The following THRB variants were observed in gnomAD, a reference collection of about 807,000 sequenced individuals.
THRB encodes the protein thyroid hormone receptor beta, also known as nuclear receptor subfamily 1 group A member 2.
THRB carries 12 observed loss-of-function variants against 47.8 expected under a neutral mutation model. The observed-to-expected ratio is 0.25, with a 90% CI of 0.16 to 0.41. THRB has a LOEUF of 0.41. THRB is among the 10% of genes least tolerant of loss of function. The pLI is 1.00. For synonymous variants in THRB, 218 were observed against 212.2 expected (o/e 1.03, Z -0.24); for missense variants, 348 against 589.2 (o/e 0.59, Z 4.24).
In THRB at chr3:24,456,153, G is replaced by C. The variant is rs554471541; in HGVS notation, c.-261+38499C>G. On this transcript the variant is annotated intron_variant, in intron 1 of 10. Coordinates refer to ENST00000646209, the MANE Select transcript of THRB (RefSeq NM_001354712.2). The stretch of plus-strand genomic sequence containing the variant: ...AGACCAGCCTGGGCAACATAGTGAG[G>C]CCTAATCTCTAAGAAAAAAAATTTT... Among the ~76,000 whole-genome samples, 17 of 151,950 alleles carry C rather than the reference G, an allele frequency of 1.1e-4. No individual in the cohort carries two copies. In the South Asian group the frequency reaches 3.1e-3, roughly 28 times the overall value.
At chr3:24,452,852 C>T (rs1183519973) in intron 1 of THRB, among the ~76,000 whole-genome samples, 1 of 152,156 alleles carries the variant, frequency 6.6e-6, no homozygotes, top group Non-Finnish European at 1.5e-5. Context: ...GTTGGCTGGT[C>T]CAGGACAAGG....
At chr3:24,391,078 C>T (rs1017388516) in intron 1 of THRB, among the ~76,000 whole-genome samples, 2 of 152,068 alleles carry the variant, frequency 1.3e-5, no homozygotes. Flanking sequence ...AGCAGTGGTG[C>T]CCTTGGGACA....
chr3:24,433,154 T>C lies in THRB; in HGVS notation c.-261+61498A>G, dbSNP rs1207128819. Among the ~76,000 whole-genome samples the C allele has an allele frequency of 3.3e-5, 5 of 152,084 alleles. No individual in the cohort carries two copies. In the East Asian group the frequency reaches 9.6e-4, roughly 29 times the overall value. ...AGCCACAGTTTCTTCAGCTGTAAAA[T>C]GGGAATAATAACAATACCTATCTGT... On this transcript the variant is annotated intron_variant, in intron 1 of 10. Coordinates refer to ENST00000646209, the MANE Select transcript of THRB (RefSeq NM_001354712.2).
At chr3:24,409,127 G>A (rs1410053172) in intron 1 of THRB, among the ~76,000 whole-genome samples, 1 of 151,762 alleles carries the variant, frequency 6.6e-6, no homozygotes, top group Non-Finnish European at 1.5e-5. Flanking sequence ...CAGTGAACAT[G>A]TTTTAGGTAC....
intron 2 of THRB, among the ~76,000 whole-genome samples, chr3:24,299,527 T>C (rs2056749996): frequency 1.3e-5 from 2 of 151,900 alleles, no homozygotes. Context: ...CTATACAATA[T>C]GCAAAAAATT....
intron 2 of THRB, among the ~76,000 whole-genome samples, chr3:24,317,624 C>T (rs1471659391): frequency 1.3e-5 from 2 of 152,076 alleles, no homozygotes; most frequent in Non-Finnish European, 1.5e-5. Context: ...CAAAACACAA[C>T]ACAACACAAC....
chr3:24,424,142 C>T (rs2069530542), intron 1 of THRB, among the ~76,000 whole-genome samples: 1 of 151,768 alleles, frequency 6.6e-6, no homozygotes, highest in South Asian at 2.1e-4. Context: ...AGTTTTCAAC[C>T]ATGATTGGCT....
At chr3:24,299,783 T>TTTTTTTTTTTTTG (rs2056790209) in intron 2 of THRB, among the ~76,000 whole-genome samples, 1 of 56,234 alleles carries the variant, frequency 1.8e-5, no homozygotes, top group African/African-American at 7.6e-5. Flanking sequence ...ATTTATTTAT[T>TTTTTTTTTTTTTG]TATTTATTTT....
chr3:24,414,782 A>G (rs1443226507), intron 1 of THRB, among the ~76,000 whole-genome samples: 2 of 151,882 alleles, frequency 1.3e-5, no homozygotes, highest in African/African-American at 4.8e-5. Context: ...AAATATTTGC[A>G]TGAATACTGT....
chr3:24,436,809 C>A (rs576180627), intron 1 of THRB, among the ~76,000 whole-genome samples: 1 of 152,100 alleles, frequency 6.6e-6, no homozygotes, highest in South Asian at 2.1e-4. Context: ...AGGTTCTCTT[C>A]TTCTGTGTGA....
At chr3:24,232,099 C>T (rs2048317003) in intron 3 of THRB, among the ~76,000 whole-genome samples, 1 of 152,152 alleles carries the variant, frequency 6.6e-6, no homozygotes, top group South Asian at 2.1e-4. Context: ...GTCTGTGTAC[C>T]ACGGCCCTTC....
chr3:24,215,004 C>T (rs2046417901), intron 4 of THRB, among the ~76,000 whole-genome samples: 2 of 152,224 alleles, frequency 1.3e-5, no homozygotes, highest in East Asian at 1.9e-4. Flanking sequence ...GAAACGTTTT[C>T]CACTTGACCT....
chr3:24,378,179 G>GA (rs879687544), intron 1 of THRB, among the ~76,000 whole-genome samples: 42 of 151,702 alleles, frequency 2.8e-4, no homozygotes, highest in Non-Finnish European at 3.2e-4. Flanking sequence ...TAAAGGTTTA[G>GA]AAAAAAAATC....
At chr3:24,219,740 C>T (rs548085943) in intron 4 of THRB, among the ~76,000 whole-genome samples, 2 of 152,352 alleles carry the variant, frequency 1.3e-5, no homozygotes, top group Admixed American at 6.5e-5. Context: ...CAGTGATTCT[C>T]AAACTTCTGT....
chr3:24,330,145 A>T (rs1162781551), intron 2 of THRB, among the ~76,000 whole-genome samples: 1 of 148,182 alleles, frequency 6.7e-6, no homozygotes, highest in African/African-American at 2.5e-5. Flanking sequence ...CTCTACTAAA[A>T]ATACAAAAAA....
intron 4 of THRB, among the ~76,000 whole-genome samples, chr3:24,199,873 C>G (rs2044389401): frequency 6.6e-6 from 1 of 152,158 alleles, no homozygotes; most frequent in Non-Finnish European, 1.5e-5. Context: ...GGTTCATAGG[C>G]AACATCTTAC....
intron 8 of THRB, among the ~76,000 whole-genome samples, chr3:24,142,910 T>G (rs1247967311): frequency 6.6e-6 from 1 of 152,236 alleles, no homozygotes; most frequent in African/African-American, 2.4e-5. Context: ...GTAATTTTTA[T>G]AAGAATATTA....
chr3:24,230,517 C>G (rs2048147870), intron 3 of THRB, among the ~76,000 whole-genome samples: 1 of 152,146 alleles, frequency 6.6e-6, no homozygotes, highest in Non-Finnish European at 1.5e-5. Flanking sequence ...GGGTCTCTAC[C>G]ACAAGCCCTT....
intron 3 of THRB, among the ~76,000 whole-genome samples, chr3:24,271,121 A>T (rs1170268261): frequency 6.6e-6 from 1 of 152,200 alleles, no homozygotes; most frequent in Non-Finnish European, 1.5e-5. Flanking sequence ...GAGGATAGAA[A>T]GGCAGTAAAA....
Sources: allele counts gnomAD v4.1 joint callset (sites outside exome capture counted in the v4.1 genomes callset), GRCh38; gene constraint gnomAD v4.1.1; transcripts MANE v1.5; gene names NCBI Gene and HGNC (gene_info 2026-07-23, HGNC 2026-07-21).